PDK3: variants seen among roughly 807,000 people sequenced by gnomAD.
The protein encoded by PDK3 is pyruvate dehydrogenase kinase, isozyme 3.
Under a neutral mutation model 32.0 loss-of-function variants are expected in PDK3, and 12 were observed. The ratio of observed to expected loss-of-function variants is 0.37; its 90% CI spans 0.24 to 0.61. PDK3 has a LOEUF of 0.61. Among genes scored for constraint, PDK3 ranks in the 20% least tolerant of loss-of-function variants. The probability of loss-of-function intolerance (pLI) is 0.65; values close to 1 mark genes in which losing one functional copy is unlikely to be tolerated. For synonymous variants in PDK3, 122 were observed against 116.3 expected (o/e 1.05, Z -0.31); for missense variants, 188 against 316.9 (o/e 0.59, Z 3.09).
intron 6 of PDK3, among the ~76,000 whole-genome samples, chrX:24,521,762 C>T (rs1922403525): frequency 8.9e-6 from 1 of 111,753 alleles, no homozygotes; most frequent in Non-Finnish European, 1.9e-5. Flanking sequence ...GAGGAGCTTT[C>T]CGACTCTTTT....
Position 24,501,990 on chromosome X carries a change from G to A in PDK3, c.321-1337G>A, listed in dbSNP as rs139711648. ...ATTTTGCATTGATAGCAGATCCTTT[G>A]CCTAGTTTTCTGATGGGGTGCTAGT... On this transcript the variant is annotated intron_variant, in intron 3 of 10. Transcript: ENST00000379162. 8.6e-3 allele frequency among the ~76,000 whole-genome samples: 956 copies of A among 111,651 alleles called. 13 individuals are homozygous for A. Among genetic ancestry groups the A allele is most frequent in the African/African-American group, 0.03 (927 of 30,747 alleles).
rs149603823 is a variant in PDK3 at position 24,505,226 on chromosome X, G to A, written c.523G>A (p.Asp175Asn). 41 of 1,201,856 alleles carry A rather than the reference G, an allele frequency of 3.4e-5. No individual in the cohort carries two copies. The highest frequency in any genetic ancestry group is 4.3e-5 in the Non-Finnish European group (38 of 889,551). Reference sequence around the variant, plus strand: ...TCGTCTAGCACTTCTGTTTGGGGGTGACACTAATCCTGTTCATCCTAAACA... The same window carrying A: ...TCGTCTAGCACTTCTGTTTGGGGGTAACACTAATCCTGTTCATCCTAAACA... ...INQHTLLFGG[D>N]TNPVHPKHIG... The change falls in exon 5 of 11, where the codon GAC becomes AAC. Residue 175 changes from aspartate (D) to asparagine (N), a missense_variant. Transcript: ENST00000379162.
chrX:24,509,773 C>T (rs769341453), intron 5 of PDK3, among the ~76,000 whole-genome samples: 1 of 111,749 alleles, frequency 8.9e-6, no homozygotes, highest in East Asian at 2.8e-4. Flanking sequence ...CATACCGATA[C>T]CCACAGCACA....
intron 5 of PDK3, among the ~76,000 whole-genome samples, chrX:24,510,526 C>T (rs899840633): frequency 1.8e-5 from 2 of 112,333 alleles, no homozygotes; most frequent in Non-Finnish European, 3.7e-5. Context: ...CATTTGAACT[C>T]ATATCAGATT....
intron 1 of PDK3, among the ~76,000 whole-genome samples, chrX:24,468,138 T>C (rs1940080182): frequency 8.9e-6 from 1 of 111,875 alleles, no homozygotes; most frequent in South Asian, 3.7e-4. Flanking sequence ...CCTTGATAAA[T>C]AGGCTTTCTT....
chrX:24,470,978 T>C (rs1424994759), intron 1 of PDK3, among the ~76,000 whole-genome samples: 2 of 110,848 alleles, frequency 1.8e-5, no homozygotes, highest in African/African-American at 3.3e-5. Context: ...CTTTCTGTTC[T>C]CACTCATAAG....
chrX:24,506,801 C>CTTTTTTTTT lies in PDK3; in HGVS notation c.595+1522_595+1530dup, dbSNP rs10682263. 2.1e-3 allele frequency among the ~76,000 whole-genome samples: 106 copies of CTTTTTTTTT among 49,491 alleles called. 4 individuals are homozygous for CTTTTTTTTT. The highest frequency in any genetic ancestry group is 2.7e-3 in the African/African-American group (31 of 11,528). The allele number at this position is 49,491 out of a possible 115,157, so 43.0% of individuals were successfully genotyped here. A position where few individuals can be genotyped will look rare whatever the true frequency, so the allele number is the denominator to read the frequency against. ...TGTAGAACATTTTGTTTTTTTCTTTCTTTTTTTTTTTTTTTTTTTTTTTTT... is the reference window on the plus strand; with the variant it reads ...TGTAGAACATTTTGTTTTTTTCTTTCTTTTTTTTTTTTTTTTTTTTTTTTTTTTTTTTTT... On this transcript the variant is annotated intron_variant, in intron 5 of 10. Coordinates refer to ENST00000379162, the MANE Select transcript of PDK3 (RefSeq NM_005391.5).
intron 1 of PDK3, among the ~76,000 whole-genome samples, chrX:24,474,478 A>G (rs1259477437): frequency 9.1e-6 from 1 of 109,344 alleles, no homozygotes; most frequent in African/African-American, 3.3e-5. Flanking sequence ...CAGTGGCACC[A>G]TCTCGGCTCA....
At chrX:24,507,809 T>C (rs1922020300) in intron 5 of PDK3, among the ~76,000 whole-genome samples, 1 of 103,454 alleles carries the variant, frequency 9.7e-6, no homozygotes, top group Non-Finnish European at 2.0e-5. Flanking sequence ...GTCTTGTTTT[T>C]ATAAAGGAGT....
chrX:24,538,341 A>G (rs1922821685), downstream of PDK3, among the ~76,000 whole-genome samples: 1 of 112,114 alleles, frequency 8.9e-6, no homozygotes, highest in Non-Finnish European at 1.9e-5. Context: ...ATCGGTAGAG[A>G]TTTGGGGAAA....
chrX:24,467,691 T>C lies in PDK3; in HGVS notation c.106+2130T>C, dbSNP rs760169890. Among the ~76,000 whole-genome samples the C allele has an allele frequency of 2.7e-5, 3 of 112,218 alleles. No individual in the cohort carries two copies. In the South Asian group the frequency reaches 1.1e-3, roughly 41 times the overall value. On this transcript the variant is annotated intron_variant, in intron 1 of 10. Transcript: ENST00000379162. ...CTGTCTCTTGATAGCAGTTCTATTT[T>C]GGCAATTGATGTGGGAGTTGGAGAA...
intron 5 of PDK3, among the ~76,000 whole-genome samples, chrX:24,518,474 C>G (rs976078047): frequency 9.0e-6 from 1 of 111,465 alleles, no homozygotes; most frequent in African/African-American, 3.3e-5. Context: ...CAGAGTGAGA[C>G]TCTGTCTCAA....
intron 1 of PDK3, among the ~76,000 whole-genome samples, chrX:24,485,437 C>G (rs1921373656): frequency 9.0e-6 from 1 of 111,670 alleles, no homozygotes; most frequent in African/African-American, 3.3e-5. Flanking sequence ...AGAACACTCT[C>G]AGAAGGCACT....
In PDK3 at chrX:24,493,081, G is replaced by A. The variant is rs183626996; in HGVS notation, c.107-1661G>A. Among the ~76,000 whole-genome samples, 492 of 111,346 alleles carry A rather than the reference G, an allele frequency of 4.4e-3. 4 individuals carry two copies. The highest frequency in any genetic ancestry group is 6.5e-3 in the Admixed American group (68 of 10,486). On this transcript the variant is annotated intron_variant, in intron 1 of 10. Transcript: ENST00000379162. ...AATGTGTATAGAATAGATGTTGGAA[G>A]GTCATTGTGGGGGCATTACACCCCT...
exon 12 of PDK3, among the ~76,000 whole-genome samples, chrX:24,544,619 C>T (rs1207210724): frequency 8.9e-6 from 1 of 112,017 alleles, no homozygotes; most frequent in African/African-American, 3.2e-5. Context: ...GTTGTGGCTG[C>T]TGGAGACTCG....
exon 12 of PDK3, chrX:24,549,566 G>T (rs1331934984): frequency 1.8e-5 from 2 of 111,113 alleles, no homozygotes; most frequent in Non-Finnish European, 3.8e-5. Flanking sequence ...TTCTCATTGT[G>T]ATGCTTAGTT....
At chrX:24,512,655 C>T (rs1217027395) in intron 5 of PDK3, among the ~76,000 whole-genome samples, 1 of 111,197 alleles carries the variant, frequency 9.0e-6, no homozygotes, top group Admixed American at 9.6e-5. Flanking sequence ...CCCAGCAACT[C>T]GGGAGGCTGA....
At chrX:24,469,380 TC>T (rs745794193) in intron 1 of PDK3, among the ~76,000 whole-genome samples, 13 of 111,054 alleles carry the variant, frequency 1.2e-4, no homozygotes, top group South Asian at 3.8e-4. Context: ...TCCTATGCCT[TC>T]ACCACATTGT....
At chrX:24,480,898 G>A (rs931507926) in intron 1 of PDK3, among the ~76,000 whole-genome samples, 1 of 111,701 alleles carries the variant, frequency 9.0e-6, no homozygotes, top group Non-Finnish European at 1.9e-5. Flanking sequence ...TCCCTACCTC[G>A]CCCTTAAAGG....
Sources: gnomAD v4.1 joint callset for allele counts (sites outside exome capture counted in the v4.1 genomes callset) on GRCh38, gnomAD v4.1.1 for gene constraint, MANE v1.5 for transcripts, NCBI Gene and HGNC (gene_info 2026-07-23, HGNC 2026-07-21) for gene names.